Variants in PCDHGA2 observed in about 807,000 individuals in gnomAD.
The protein encoded by PCDHGA2 is protocadherin gamma-A2.
In PCDHGA2, 40 loss-of-function variants were observed where a neutral mutation model predicts 59.2. The ratio of observed to expected loss-of-function variants is 0.68; its 90% CI spans 0.52 to 0.88. The LOEUF is 0.88. Among genes scored for constraint, PCDHGA2 ranks in the 40% least tolerant of loss-of-function variants. The pLI is 0.00. For synonymous variants in PCDHGA2, 560 were observed against 526.0 expected (o/e 1.06, Z -0.89); for missense variants, 1,226 against 1,204.0 (o/e 1.02, Z -0.27).
At position 141,491,052 on chromosome 5, in the gene PCDHGA2, G is replaced by A. The variant is rs2099707642; in HGVS notation, c.2425-3755G>A. ...ATGCTGATGCAGGCCACAATGCGTG[G>A]CTCTCCTACTCACTGTTGCCACAGT... On this transcript the variant is annotated intron_variant, in intron 1 of 3. Transcript: ENST00000394576. The surrounding 1 kb of genome is among the most constrained non-coding windows in gnomAD (Gnocchi z 6.9). 3.1e-6 allele frequency: 5 copies of A among 1,614,038 alleles called. No individual in the cohort carries two copies. The highest frequency in any genetic ancestry group is 4.2e-6 in the Non-Finnish European group (5 of 1,180,032).
chr5:141,372,338 T>C, intron 1 of PCDHGA2: 1 of 1,613,820 alleles, frequency 6.2e-7, no homozygotes, highest in Non-Finnish European at 8.5e-7. Context: ...CTGTGCGTGA[T>C]GGAGGACAGC....
chr5:141,487,813 TG>T lies in PCDHGA2; in HGVS notation c.2425-6989del. 7.2e-7 allele frequency: 1 copy of T among 1,384,138 alleles called. No homozygotes were observed. 85.7% of individuals were successfully genotyped at this position (1,384,138 alleles called of 1,614,324 possible). A position where few individuals can be genotyped will look rare whatever the true frequency, so the allele number is the denominator to read the frequency against. On this transcript the variant is annotated intron_variant, in intron 1 of 3. Transcript: ENST00000394576. This position sits in a 1 kb window ranked among gnomAD's most constrained non-coding sequence, Gnocchi z 5.0. Reference sequence around the variant, plus strand: ...AACCAGAGTTGTCACAGTTTAGCATTGGGGGCGGGTCATGCCTATATCTGAG... The same window carrying T: ...AACCAGAGTTGTCACAGTTTAGCATTGGGGCGGGTCATGCCTATATCTGAG...
chr5:141,351,696 C>T (rs568758790), intron 1 of PCDHGA2: 1 of 1,613,976 alleles, frequency 6.2e-7, no homozygotes, highest in Admixed American at 1.7e-5. Context: ...GATTTGGGAC[C>T]CAACGGCAGA....
chr5:141,403,416 C>G, intron 1 of PCDHGA2: 1 of 1,614,034 alleles, frequency 6.2e-7, no homozygotes, highest in Non-Finnish European at 8.5e-7. Flanking sequence ...TATCCACTTC[C>G]AGAAGCTATT....
At position 141,413,553 on chromosome 5, in the gene PCDHGA2, A is replaced by G; in HGVS notation, c.2424+72158A>G. On this transcript the variant is annotated intron_variant, in intron 1 of 3. Coordinates refer to ENST00000394576, the MANE Select transcript of PCDHGA2 (RefSeq NM_018915.4). ...TGAAACTTTTTGGGATAGAAATAGA[A>G]GTAACTGATATCAATGACAATGCTC... The G allele has an allele frequency of 6.2e-7, 1 of 1,613,938 alleles. No individual in the cohort carries two copies. Among genetic ancestry groups the G allele is most frequent in the Non-Finnish European group, 8.5e-7 (1 of 1,179,902 alleles).
chr5:141,448,706 C>G (rs1344013319), intron 1 of PCDHGA2, among the ~76,000 whole-genome samples: 1 of 151,732 alleles, frequency 6.6e-6, no homozygotes, highest in African/African-American at 2.4e-5. Context: ...TTTGGGAGGC[C>G]GAGGCGGGAG....
Position 141,404,829 on chromosome 5 carries a change from T to C in PCDHGA2, c.2424+63434T>C. Reference sequence around the variant, plus strand: ...TCGGTGGGGCTGCACACAGGTGAAGTGCGCACAGCTCGGGCCCTGCTAGAT... The same window carrying C: ...TCGGTGGGGCTGCACACAGGTGAAGCGCGCACAGCTCGGGCCCTGCTAGAT... On this transcript the variant is annotated intron_variant, in intron 1 of 3. Transcript: ENST00000394576. 1.9e-6 allele frequency: 3 copies of C among 1,608,020 alleles called. No individual in the cohort carries two copies. The South Asian group carries it at 3.3e-5, about 18-fold the overall frequency.
intron 1 of PCDHGA2, among the ~76,000 whole-genome samples, chr5:141,484,795 C>T (rs1265916821): frequency 6.6e-6 from 1 of 151,784 alleles, no homozygotes; most frequent in African/African-American, 2.4e-5. Context: ...AGATAACAAC[C>T]CGTGGAAAAA....
chr5:141,431,921 G>C lies in PCDHGA2; in HGVS notation c.2425-62886G>C, dbSNP rs775520324. ...CGGACAGGTGATCTGTTTCATCCAA[G>C]GAAATCTGCCCTTTAAATTAGAAAA... On this transcript the variant is annotated intron_variant, in intron 1 of 3. Transcript: ENST00000394576. This position sits in a 1 kb window ranked among gnomAD's most constrained non-coding sequence, Gnocchi z 4.8. 8.7e-6 allele frequency: 14 copies of C among 1,614,024 alleles called. No individual in the cohort carries two copies. Among genetic ancestry groups the C allele is most frequent in the Non-Finnish European group, 1.2e-5 (14 of 1,179,998 alleles).
At chr5:141,420,214 C>G (rs1356792048) in intron 1 of PCDHGA2, 1 of 1,611,064 alleles carries the variant, frequency 6.2e-7, no homozygotes, top group Admixed American at 1.7e-5. Context: ...ACAAAGATAG[C>G]ATGCTACTGG....
chr5:141,340,839 C>T lies in PCDHGA2; in HGVS notation c.1868C>T (p.Thr623Met), dbSNP rs370683887. The part of the protein sequence containing the change: ...EPGLFSVGLH[T>M]GEVRTARALL... ...GGACTCTTCTCGGTGGGTCTGCACACGGGCGAGGTGCGCACGGCGCGAGCC... is the reference window on the plus strand; with the variant it reads ...GGACTCTTCTCGGTGGGTCTGCACATGGGCGAGGTGCGCACGGCGCGAGCC... The change falls in exon 1 of 4, where the codon ACG becomes ATG. Residue 623 changes from threonine (T) to methionine (M), a missense_variant. Physicochemically the swap from Thr to Met is moderately conservative, Grantham distance 81. Transcript: ENST00000394576. The T allele has an allele frequency of 5.9e-5, 95 of 1,613,514 alleles. 1 individual carries two copies. Among genetic ancestry groups the T allele is most frequent in the Non-Finnish European group, 7.9e-5 (93 of 1,179,946 alleles).
chr5:141,486,760 G>C lies in PCDHGA2; in HGVS notation c.2425-8047G>C. ...GATCCTTTGACTATGAGCAAACCCAGACACTGCAGTTTGAGGTGCAGGCCC... is the reference window on the plus strand; with the variant it reads ...GATCCTTTGACTATGAGCAAACCCACACACTGCAGTTTGAGGTGCAGGCCC... On this transcript the variant is annotated intron_variant, in intron 1 of 3. Transcript: ENST00000394576. This position sits in a 1 kb window ranked among gnomAD's most constrained non-coding sequence, Gnocchi z 5.0. 1.2e-6 allele frequency: 2 copies of C among 1,614,240 alleles called. No homozygotes were observed. The highest frequency in any genetic ancestry group is 2.2e-5 in the South Asian group (2 of 91,086).
intron 1 of PCDHGA2, among the ~76,000 whole-genome samples, chr5:141,456,023 G>A (rs937523861): frequency 1.3e-5 from 2 of 151,586 alleles, no homozygotes; most frequent in South Asian, 2.1e-4. Context: ...TCAGCCTCCC[G>A]AGTAGCTGGG....
intron 1 of PCDHGA2, chr5:141,389,201 C>T: frequency 1.2e-6 from 2 of 1,614,034 alleles, no homozygotes; most frequent in Non-Finnish European, 1.7e-6. Flanking sequence ...TCACCCTGCA[C>T]ATTGGTGATG....
At chr5:141,415,258 C>G (rs1228702476) in intron 1 of PCDHGA2, 1 of 1,614,214 alleles carries the variant, frequency 6.2e-7, no homozygotes, top group Non-Finnish European at 8.5e-7. Context: ...AGACCTCACT[C>G]TGTACCTGGT....
chr5:141,494,115 GC>G (rs1445167222), intron 1 of PCDHGA2, among the ~76,000 whole-genome samples: 1 of 152,186 alleles, frequency 6.6e-6, no homozygotes, highest in African/African-American at 2.4e-5. Context: ...AGACAGAGCA[GC>G]CTTGTTCTCT....
rs1173306822 is a variant in PCDHGA2, at chr5:141,431,115, T to G, written c.2425-63692T>G. The G allele has an allele frequency of 6.2e-7, 1 of 1,613,608 alleles. No homozygotes were observed. Among genetic ancestry groups the G allele is most frequent in the East Asian group, 2.2e-5 (1 of 44,840 alleles). ...GAGGATAAAGTGAAAATATATGGAG[T>G]AGAAGTAGAAGTAAGGGACATTAAC... On this transcript the variant is annotated intron_variant, in intron 1 of 3. Transcript: ENST00000394576. This position sits in a 1 kb window ranked among gnomAD's most constrained non-coding sequence, Gnocchi z 4.8.
chr5:141,380,470 G>A (rs755352560), intron 1 of PCDHGA2, among the ~76,000 whole-genome samples: 27 of 152,140 alleles, frequency 1.8e-4, no homozygotes, highest in Non-Finnish European at 3.4e-4. Flanking sequence ...AAATGGTCAG[G>A]ATTCTTCCCA....
intron 1 of PCDHGA2, among the ~76,000 whole-genome samples, chr5:141,450,162 A>T (rs2098671900): frequency 6.6e-6 from 1 of 151,624 alleles, no homozygotes; most frequent in Admixed American, 6.6e-5. Flanking sequence ...ATGTGCCACC[A>T]CACTCCCACC....
Sources: gnomAD v4.1 joint callset for allele counts (sites outside exome capture counted in the v4.1 genomes callset) on GRCh38, gnomAD v4.1.1 for gene constraint, Gnocchi (gnomAD v3.1) non-coding constraint, MANE v1.5 for transcripts, NCBI Gene and HGNC (gene_info 2026-07-23, HGNC 2026-07-21) for gene names.